The following CCDC33 variants were observed in gnomAD, a reference collection of about 807,000 sequenced individuals.
CCDC33 encodes the protein coiled-coil domain containing 33.
In CCDC33, 94 loss-of-function variants were observed where a neutral mutation model predicts 91.9. The ratio of observed to expected loss-of-function variants is 1.02; its 90% CI spans 0.87 to 1.21. The LOEUF is 1.21. Among genes scored for constraint, CCDC33 ranks in the 50% most tolerant of loss-of-function variants. CCDC33 has a pLI of 0.00. For missense variants in CCDC33, 940 were observed against 935.5 expected, an observed-to-expected ratio of 1.00 and a Z score of -0.06; for synonymous variants, 396 against 374.5, an observed-to-expected ratio of 1.06 and a Z score of -0.66.
At chr15:74,221,340 G>A in intron 2 of CCDC33, 18 of 978,212 alleles carry the variant, frequency 1.8e-5, no homozygotes, top group Non-Finnish European at 2.2e-5. Context: ...GAATGAGAAG[G>A]AAGCGGAAGA....
In CCDC33 at chr15:74,218,679, G is replaced by A. The variant is rs1314171457; in HGVS notation, c.493G>A (p.Gly165Ser). 2 of 1,289,840 alleles carry A rather than the reference G, an allele frequency of 1.6e-6. No homozygotes were observed. The highest frequency in any genetic ancestry group is 2.0e-6 in the Non-Finnish European group (2 of 988,876). 79.9% of individuals were successfully genotyped at this position (1,289,840 alleles called of 1,614,324 possible). ...TCACGAGGACCTGTACCGCTACTGT[G>A]GCAACCTGGCTCTGCTCCGGGCTAG... The change falls in exon 2 of 3, where the codon GGC becomes AGC. Residue 165 changes from glycine to serine, a missense_variant. Physicochemically the swap from Gly to Ser is moderately conservative, Grantham distance 56. Transcript: ENST00000635913. This position sits in a 1 kb window ranked among gnomAD's most constrained non-coding sequence, Gnocchi z 4.8.
At chr15:74,227,177 G>A (rs2074828267) in intron 2 of CCDC33, among the ~76,000 whole-genome samples, 1 of 152,204 alleles carries the variant, frequency 6.6e-6, no homozygotes, top group African/African-American at 2.4e-5. Context: ...TGAGCCCCTA[G>A]AGGAGATAGA....
chr15:74,286,693 G>A (rs1281399739), intron 10 of CCDC33, among the ~76,000 whole-genome samples: 3 of 152,134 alleles, frequency 2.0e-5, no homozygotes, highest in Non-Finnish European at 4.4e-5. Context: ...CCATCACCTT[G>A]CCCAGATAGG....
intron 15 of CCDC33, 59 bp downstream of exon 15, chr15:74,331,355 T>TGGA: frequency 6.4e-6 from 10 of 1,554,730 alleles, no homozygotes; most frequent in Non-Finnish European, 8.8e-6. Flanking sequence ...CTGGAGGCCC[T>TGGA]GCCTTCCTGG....
intron 2 of CCDC33, among the ~76,000 whole-genome samples, chr15:74,210,230 T>A (rs1369088440): frequency 6.6e-6 from 1 of 152,232 alleles, no homozygotes; most frequent in East Asian, 1.9e-4. Context: ...TGCATGCATA[T>A]ATATGGAGAC....
chr15:74,272,237 G>C (rs1199570688), intron 6 of CCDC33, among the ~76,000 whole-genome samples: 3 of 149,246 alleles, frequency 2.0e-5, no homozygotes, highest in Admixed American at 2.0e-4. Context: ...GCCAGTGGTT[G>C]GCCCCAAAGG....
Position 74,218,845 on chromosome 15 carries a change from A to C in CCDC33, c.659A>C (p.Gln220Pro), listed in dbSNP as rs2074515433. The C allele has an allele frequency of 4.8e-6, 6 of 1,244,678 alleles. No homozygotes were observed. In the Middle Eastern group the frequency reaches 9.9e-4, roughly 206 times the overall value. The allele number at this position is 1,244,678 out of a possible 1,614,324, so 77.1% of individuals were successfully genotyped here. Residue 220 changes from glutamine (Q) to proline (P), a missense_variant, in exon 2 of 3, where the codon CAG becomes CCG. By Grantham distance (76) the Gln-to-Pro change is moderately conservative. Transcript: ENST00000635913. This position sits in a 1 kb window ranked among gnomAD's most constrained non-coding sequence, Gnocchi z 4.8. Reference sequence around the variant, plus strand: ...CTGATGTCACCATGCCCAGAGCCCCAGCTCCCCATACTGCAGGTGGGTGCT... The same window carrying C: ...CTGATGTCACCATGCCCAGAGCCCCCGCTCCCCATACTGCAGGTGGGTGCT...
At position 74,331,038 on chromosome 15, in the gene CCDC33, G is replaced by T. The variant is rs768844995; in HGVS notation, c.1603G>T (p.Ala535Ser). ...GTATCAGGCCCAGCAGCCACAGGCC[G>T]CTCTGCTGAAGCAGTACCAGGGCAA... ...LLYQAQQPQA[A>S]LLKQYQGKLQ... The change falls in exon 14 of 19, where the codon GCT (alanine) becomes TCT (serine). Residue 535 changes from alanine (A) to serine (S), a missense_variant. Coordinates refer to ENST00000398814, the MANE Select transcript of CCDC33 (RefSeq NM_025055.5). 7 of 1,612,098 alleles carry T rather than the reference G, an allele frequency of 4.3e-6. No individual in the cohort carries two copies. In the East Asian group the frequency reaches 8.9e-5, roughly 21 times the overall value.
rs1397944291 is a variant in CCDC33, at chr15:74,222,448, G to A, written c.675+3587G>A. Among the ~76,000 whole-genome samples the A allele has an allele frequency of 4.0e-5, 6 of 151,634 alleles. No individual in the cohort carries two copies. In the East Asian group the frequency reaches 7.7e-4, roughly 20 times the overall value. On this transcript the variant is annotated intron_variant, in intron 2 of 2. Transcript: ENST00000635913. ...CAGCATTTACCTCTTCCCAACAATC[G>A]CAGTTTTGTTTCATAGAAACGATTT... is the stretch of plus-strand genomic sequence containing the variant.
At chr15:74,329,406 C>A (rs1419333871) in intron 11 of CCDC33, among the ~76,000 whole-genome samples, 1 of 152,168 alleles carries the variant, frequency 6.6e-6, no homozygotes, top group East Asian at 1.9e-4. Flanking sequence ...AAGTTACTCA[C>A]CTCTCTGGGC....
chr15:74,241,263 T>C (rs2075339533), intron 1 of CCDC33, among the ~76,000 whole-genome samples: 1 of 151,964 alleles, frequency 6.6e-6, no homozygotes, highest in African/African-American at 2.4e-5. Context: ...CTGGCACTTC[T>C]GATCTGGGGG....
chr15:74,256,992 T>C (rs1595959151), intron 2 of CCDC33, among the ~76,000 whole-genome samples: 1 of 152,168 alleles, frequency 6.6e-6, no homozygotes, highest in Non-Finnish European at 1.5e-5. Context: ...TCTCGGAAGG[T>C]GCCCTTTCTT....
intron 11 of CCDC33, among the ~76,000 whole-genome samples, chr15:74,296,257 A>G (rs2059683788): frequency 1.3e-5 from 2 of 152,212 alleles, no homozygotes; most frequent in South Asian, 4.1e-4. Flanking sequence ...CCTGAGGTGC[A>G]TGGCCACTGG....
intron 12 of CCDC33, 108 bp from the exon 13 acceptor site, chr15:74,330,555 C>A: frequency 1.8e-6 from 2 of 1,116,198 alleles, no homozygotes; most frequent in Non-Finnish European, 2.7e-6. Context: ...AATCCAGTCC[C>A]GTCCCAAGCC....
intron 11 of CCDC33, among the ~76,000 whole-genome samples, chr15:74,314,018 C>T (rs781053971): frequency 6.6e-6 from 1 of 152,198 alleles, no homozygotes; most frequent in African/African-American, 2.4e-5. Context: ...TGCTCACCTC[C>T]ACACCTGTGC....
chr15:74,280,584 A>T, intron 8 of CCDC33, 84 bp from the exon 9 acceptor site: 2 of 1,396,266 alleles, frequency 1.4e-6, no homozygotes, highest in Non-Finnish European at 1.9e-6. Context: ...GCAGCGGGAG[A>T]CAGGAGGACT....
At chr15:74,336,445 C>A, downstream of CCDC33, 1 of 1,282,754 alleles carries the variant, frequency 7.8e-7, no homozygotes, top group South Asian at 1.3e-5. Flanking sequence ...CCCAAAACAT[C>A]TATCATGTCT....
At chr15:74,251,555 TG>T (rs1424540354) in intron 2 of CCDC33, among the ~76,000 whole-genome samples, 1 of 152,028 alleles carries the variant, frequency 6.6e-6, no homozygotes, top group Non-Finnish European at 1.5e-5. Flanking sequence ...AGCTAATGAG[TG>T]GGGACAGAGC....
At chr15:74,251,970 T>G (rs148400153) in intron 2 of CCDC33, among the ~76,000 whole-genome samples, 228 of 152,292 alleles carry the variant, frequency 1.5e-3, no homozygotes, top group African/African-American at 5.3e-3. Context: ...CGCCACCCAG[T>G]CCTATAATTG....
Sources: allele counts gnomAD v4.1 joint callset (sites outside exome capture counted in the v4.1 genomes callset), GRCh38; gene constraint gnomAD v4.1.1; non-coding constraint Gnocchi (gnomAD v3.1); transcripts MANE v1.5; gene names NCBI Gene and HGNC (gene_info 2026-07-23, HGNC 2026-07-21).